The following ZNF579 variants were observed in gnomAD, a reference collection of about 807,000 sequenced individuals.
ZNF579 encodes zinc finger protein 579.
ZNF579 carries 3 observed loss-of-function variants against 5.7 expected under a neutral mutation model. That is an observed-to-expected ratio of 0.53 (90% CI 0.24 to 1.36). The LOEUF (loss-of-function observed/expected upper bound fraction) is 1.36, where lower values mean the gene tolerates loss of function less well. ZNF579 is among the 40% of genes most tolerant of loss of function. The pLI is 0.16. For synonymous variants in ZNF579, 454 were observed against 409.0 expected, an observed-to-expected ratio of 1.11 and a Z score of -1.33; for missense variants, 679 against 877.6, an observed-to-expected ratio of 0.77 and a Z score of 2.86.
chr19:55,579,563 C>T lies in ZNF579; in HGVS notation c.77G>A (p.Arg26His), dbSNP rs1032467986. The change falls in exon 2 of 2, where the codon CGT becomes CAT. Residue 26 changes from arginine (R) to histidine (H), a missense_variant. Transcript: ENST00000325421. ...CCTGCCACGGCCACGGCCCCGACCACGGCCTCGGCCACGGCCCCGGCCTCG... is the reference window on the plus strand; with the variant it reads ...CCTGCCACGGCCACGGCCCCGACCATGGCCTCGGCCACGGCCCCGGCCTCG... ...RGRGRGRGRG[R>H]GRGRGRGRGG... 51 of 1,490,500 alleles carry T rather than the reference C, an allele frequency of 3.4e-5. No individual in the cohort carries two copies. Among genetic ancestry groups the T allele is most frequent in the Admixed American group, 4.6e-5 (2 of 43,674 alleles). The allele number at this position is 1,490,500 out of a possible 1,614,324, so 92.3% of individuals were successfully genotyped here.
Position 55,579,427 on chromosome 19 carries a change from G to A in ZNF579, c.213C>T (p.Pro71=), listed in dbSNP as rs1176369429. Residue 71 remains proline, a synonymous_variant, in exon 2 of 2, where the codon CCC becomes CCT. Coordinates refer to ENST00000325421, the MANE Select transcript of ZNF579 (RefSeq NM_152600.3). Reference sequence around the variant, plus strand: ...CCTTGGGGCACAGCGGGCAGGCGTGGGGCCGGAGCCCCGAGTGGCTCAGCC... The same window carrying A: ...CCTTGGGGCACAGCGGGCAGGCGTGAGGCCGGAGCCCCGAGTGGCTCAGCC... The part of the protein sequence containing the change: ...RHRLSHSGLR[P]HACPLCPKAF... 5 of 1,336,058 alleles carry A rather than the reference G, an allele frequency of 3.7e-6. No homozygotes were observed. In the African/African-American group the frequency reaches 6.2e-5, roughly 17 times the overall value. 82.8% of individuals were successfully genotyped at this position (1,336,058 alleles called of 1,614,324 possible).
Position 55,578,112 on chromosome 19 carries a change from C to T in ZNF579, c.1528G>A (p.Glu510Lys), listed in dbSNP as rs1429432039. The change falls in exon 2 of 2, where the codon GAG becomes AAG. Residue 510 changes from glutamate to lysine, a missense_variant. By Grantham distance (56) the Glu-to-Lys change is moderately conservative. This residue lies in a region of ZNF579 where 116 missense variants were observed against 121.9 expected (regional missense o/e 0.95). Transcript: ENST00000325421. ...LPLPLANIKE[E>K]PPSPGTPPQS... is the part of the protein sequence containing the mutation. Reference sequence around the variant, plus strand: ...GGTGGGGTCCCCGGAGAGGGCGGCTCTTCCTTAATGTTTGCGAGGGGCAGC... The same window carrying T: ...GGTGGGGTCCCCGGAGAGGGCGGCTTTTCCTTAATGTTTGCGAGGGGCAGC... 1.0e-5 allele frequency: 16 copies of T among 1,560,406 alleles called. No individual in the cohort carries two copies. In the South Asian group the frequency reaches 1.1e-4, roughly 10 times the overall value.
chr19:55,578,794 G>A lies in ZNF579; in HGVS notation c.846C>T (p.Pro282=). 6.2e-7 allele frequency: 1 copy of A among 1,602,636 alleles called. No individual in the cohort carries two copies. The highest frequency in any genetic ancestry group is 8.5e-7 in the Non-Finnish European group (1 of 1,174,730). The change falls in exon 2 of 2, where the codon CCC becomes CCT. Residue 282 remains proline, a synonymous_variant. Transcript: ENST00000325421. ...CCAGCCGGTGGCGCGACAGGGACCA[G>A]GGCCTGGCGAAGGCCTTGAGGCAGA... The part of the protein sequence containing the change: ...CSICLKAFAR[P]WSLSRHRLVH...
In ZNF579 at chr19:55,576,796, TA is replaced by T; in HGVS notation, c.*1154del. 6.6e-6 allele frequency: 1 copy of T among 152,276 alleles called. No homozygotes were observed. Among genetic ancestry groups the T allele is most frequent in the Non-Finnish European group, 1.5e-5 (1 of 68,026 alleles). 9.4% of individuals were successfully genotyped at this position (152,276 alleles called of 1,614,324 possible). ...GACTGAGGAACCGAACTTTTACATTTATTTCATCTTAATGTCTTTACATTTC... is the reference window on the plus strand; with the variant it reads ...GACTGAGGAACCGAACTTTTACATTTTTTCATCTTAATGTCTTTACATTTC... On this transcript the variant is annotated 3_prime_UTR_variant, in exon 2 of 2. Transcript: ENST00000325421.
At position 55,578,373 on chromosome 19, in the gene ZNF579, G is replaced by A; in HGVS notation, c.1267C>T (p.Arg423Cys). 1.4e-6 allele frequency: 2 copies of A among 1,462,718 alleles called. No homozygotes were observed. The highest frequency in any genetic ancestry group is 1.8e-6 in the Non-Finnish European group (2 of 1,115,416). 90.6% of individuals were successfully genotyped at this position (1,462,718 alleles called of 1,614,324 possible). The part of the protein sequence containing the change: ...QCVRCQREFK[R>C]LADLARHAQV... ...GCGTGGCGCGCCAGGTCGGCCAGGCGCTTGAACTCCCGCTGGCAGCGCACG... is the reference window on the plus strand; with the variant it reads ...GCGTGGCGCGCCAGGTCGGCCAGGCACTTGAACTCCCGCTGGCAGCGCACG... Residue 423 changes from arginine (R) to cysteine (C), a missense_variant, in exon 2 of 2, where the codon CGC becomes TGC. Around this residue, in one of 6 missense-constraint regions of ZNF579, gnomAD observed 68 missense variants for 154.2 expected, o/e 0.44. Coordinates refer to ENST00000325421, the MANE Select transcript of ZNF579 (RefSeq NM_152600.3).
Position 55,578,760 on chromosome 19 carries a change from T to C in ZNF579, c.880A>G (p.Thr294Ala). The stretch of plus-strand genomic sequence containing the variant: ...TCTGGGCACACGAAAGGGCGGTCGG[T>C]GGAGTGGACCAGCCGGTGGCGCGAC... ...SLSRHRLVHS[T>A]DRPFVCPDCG... Residue 294 changes from threonine (T) to alanine (A), a missense_variant, in exon 2 of 2, where the codon ACC becomes GCC. This residue lies in a region of ZNF579 where 38 missense variants were observed against 70.3 expected (regional missense o/e 0.54). Coordinates refer to ENST00000325421, the MANE Select transcript of ZNF579 (RefSeq NM_152600.3). The C allele has an allele frequency of 2.5e-6, 4 of 1,601,436 alleles. No individual in the cohort carries two copies. The highest frequency in any genetic ancestry group is 3.4e-6 in the Non-Finnish European group (4 of 1,175,328).
In ZNF579 at chr19:55,579,271, G is replaced by C; in HGVS notation, c.369C>G (p.His123Gln). Residue 123 changes from histidine to glutamine, a missense_variant, in exon 2 of 2, where the codon CAC (histidine) becomes CAG (glutamine). Around this residue, in one of 6 missense-constraint regions of ZNF579, gnomAD observed 134 missense variants for 208.9 expected, o/e 0.64. Transcript: ENST00000325421. The stretch of plus-strand genomic sequence containing the variant: ...TGGCCAGCTCGACCTCGCCGCCCGC[G>C]TGCTCCTGAGCCAGGTGGCGCCTGA... The part of the protein sequence containing the change: ...AQLRRHLAQE[H>Q]AGGEVELAIE... 1.3e-6 allele frequency: 2 copies of C among 1,516,370 alleles called. No homozygotes were observed. The highest frequency in any genetic ancestry group is 1.8e-6 in the Non-Finnish European group (2 of 1,137,184). 93.9% of individuals were successfully genotyped at this position (1,516,370 alleles called of 1,614,324 possible). A position where few individuals can be genotyped will look rare whatever the true frequency, so the allele number is the denominator to read the frequency against.
In ZNF579 at chr19:55,577,775, G is replaced by T; in HGVS notation, c.*176C>A. 1 of 1,217,518 alleles carries T rather than the reference G, an allele frequency of 8.2e-7. No individual in the cohort carries two copies. Among genetic ancestry groups the T allele is most frequent in the Non-Finnish European group, 1.1e-6 (1 of 900,002 alleles). 75.4% of individuals were successfully genotyped at this position (1,217,518 alleles called of 1,614,324 possible). A position where few individuals can be genotyped will look rare whatever the true frequency, so the allele number is the denominator to read the frequency against. ...TGAGCGGTTCCTAACCAGCATCAGGGGTTCTGGGGGCGGGCGATGGGGGAG... is the reference window on the plus strand; with the variant it reads ...TGAGCGGTTCCTAACCAGCATCAGGTGTTCTGGGGGCGGGCGATGGGGGAG... On this transcript the variant is annotated 3_prime_UTR_variant, in exon 2 of 2. Transcript: ENST00000325421.
At position 55,579,268 on chromosome 19, in the gene ZNF579, C is replaced by T. The variant is rs752566833; in HGVS notation, c.372G>A (p.Ala124=). The change falls in exon 2 of 2, where the codon GCG becomes GCA. Residue 124 remains alanine (A), a synonymous_variant. Coordinates refer to ENST00000325421, the MANE Select transcript of ZNF579 (RefSeq NM_152600.3). The stretch of plus-strand genomic sequence containing the variant: ...CGATGGCCAGCTCGACCTCGCCGCC[C>T]GCGTGCTCCTGAGCCAGGTGGCGCC... ...QLRRHLAQEH[A]GGEVELAIER... is the part of the protein sequence containing the mutation. 7 of 1,516,738 alleles carry T rather than the reference C, an allele frequency of 4.6e-6. No homozygotes were observed. The highest frequency in any genetic ancestry group is 5.3e-6 in the Non-Finnish European group (6 of 1,137,458). 94.0% of individuals were successfully genotyped at this position (1,516,738 alleles called of 1,614,324 possible).
Position 55,578,752 on chromosome 19 carries a change from G to GCGGT in ZNF579, c.884_887dup (p.Phe298ProfsTer212). The GCGGT allele has an allele frequency of 6.2e-7, 1 of 1,601,668 alleles. No individual in the cohort carries two copies. Among genetic ancestry groups the GCGGT allele is most frequent in the Non-Finnish European group, 8.5e-7 (1 of 1,175,556 alleles). ...GGCCGCAGTCTGGGCACACGAAAGG[G>GCGGT]CGGTCGGTGGAGTGGACCAGCCGGT... On this transcript the variant is annotated frameshift_variant, in exon 2 of 2. Transcript: ENST00000325421. LOFTEE classifies it low-confidence loss of function (END_TRUNC).
rs1979429342 is a variant in ZNF579 at position 55,577,819 on chromosome 19, C to T, written c.*132G>A. The T allele has an allele frequency of 2.1e-6, 3 of 1,463,028 alleles. No homozygotes were observed. Among genetic ancestry groups the T allele is most frequent in the African/African-American group, 1.4e-5 (1 of 71,056 alleles). 90.6% of individuals were successfully genotyped at this position (1,463,028 alleles called of 1,614,324 possible). A position where few individuals can be genotyped will look rare whatever the true frequency, so the allele number is the denominator to read the frequency against. On this transcript the variant is annotated 3_prime_UTR_variant, in exon 2 of 2. Coordinates refer to ENST00000325421, the MANE Select transcript of ZNF579 (RefSeq NM_152600.3). ...GGGGGAGGAAGGGGCAGTCCAGGGC[C>T]CCCCACTCCTTAGTGTCAAGGGCGT...
Position 55,579,514 on chromosome 19 carries a change from C to G in ZNF579, c.126G>C (p.Ala42=). ...RGRGGAGAPR[A]PLPCPTCGRL... ...GGCCGCAGGTGGGGCAGGGCAGGGGCGCCCTAGGGGCTCCAGCGCCCCCCC... is the reference window on the plus strand; with the variant it reads ...GGCCGCAGGTGGGGCAGGGCAGGGGGGCCCTAGGGGCTCCAGCGCCCCCCC... The change falls in exon 2 of 2, where the codon GCG becomes GCC. Residue 42 remains alanine (A), a synonymous_variant. Transcript: ENST00000325421. 1 of 1,401,214 alleles carries G rather than the reference C, an allele frequency of 7.1e-7. No homozygotes were observed. Among genetic ancestry groups the G allele is most frequent in the Non-Finnish European group, 9.2e-7 (1 of 1,083,924 alleles). The allele number at this position is 1,401,214 out of a possible 1,614,324, so 86.8% of individuals were successfully genotyped here.
chr19:55,579,449 A>T lies in ZNF579; in HGVS notation c.191T>A (p.Leu64Gln). ...GTGGGGCCGGAGCCCCGAGTGGCTC[A>T]GCCGGTGCCGGGAGAGGTAGTAGGG... ...RFPYYLSRHR[L>Q]SHSGLRPHAC... Residue 64 changes from leucine to glutamine, a missense_variant, in exon 2 of 2, where the codon CTG (leucine) becomes CAG (glutamine). Leu to Gln is a moderately radical substitution (Grantham distance 113). This residue lies in a region of ZNF579 where 134 missense variants were observed against 208.9 expected (regional missense o/e 0.64). Coordinates refer to ENST00000325421, the MANE Select transcript of ZNF579 (RefSeq NM_152600.3). 1 of 1,339,150 alleles carries T rather than the reference A, an allele frequency of 7.5e-7. No homozygotes were observed. 83.0% of individuals were successfully genotyped at this position (1,339,150 alleles called of 1,614,324 possible).
chr19:55,579,317 G>A lies in ZNF579; in HGVS notation c.323C>T (p.Thr108Ile). The change falls in exon 2 of 2, where the codon ACC (threonine) becomes ATC (isoleucine). Residue 108 changes from threonine (T) to isoleucine (I), a missense_variant. Physicochemically the swap from Thr to Ile is moderately conservative, Grantham distance 89. Around this residue, in one of 6 missense-constraint regions of ZNF579, gnomAD observed 134 missense variants for 208.9 expected, o/e 0.64. Transcript: ENST00000325421. ...PPLRCAACPR[T>I]FPEPAQLRRH... ...CCTGAGCTGGGCCGGTTCTGGGAAG[G>A]TGCGGGGGCAGGCGGCGCAGCGCAG... is the stretch of plus-strand genomic sequence containing the variant. The A allele has an allele frequency of 6.8e-7, 1 of 1,469,158 alleles. No homozygotes were observed. Among genetic ancestry groups the A allele is most frequent in the Non-Finnish European group, 9.0e-7 (1 of 1,114,268 alleles). 91.0% of individuals were successfully genotyped at this position (1,469,158 alleles called of 1,614,324 possible).
Position 55,578,722 on chromosome 19 carries a change from G to T in ZNF579, c.918C>A (p.Ala306=). 1 of 1,592,530 alleles carries T rather than the reference G, an allele frequency of 6.3e-7. No homozygotes were observed. Residue 306 remains alanine (A), a synonymous_variant, in exon 2 of 2, where the codon GCC becomes GCA. Coordinates refer to ENST00000325421, the MANE Select transcript of ZNF579 (RefSeq NM_152600.3). ...RPFVCPDCGL[A]FRLASYLRQH... The stretch of plus-strand genomic sequence containing the variant: ...GGCGGAGGTAGGAGGCGAGGCGGAA[G>T]GCCAGGCCGCAGTCTGGGCACACGA...
In ZNF579 at chr19:55,578,004, C is replaced by T. The variant is rs1417338757; in HGVS notation, c.1636G>A (p.Glu546Lys). ...QDHSAFEMEE[E>K]EVDSKAHLRG... is the part of the protein sequence containing the mutation. ...AGGTGAGCCTTGCTGTCTACCTCTT[C>T]CTCCTCCATCTCGAAGGCTGAGTGG... Residue 546 changes from glutamate (E) to lysine (K), a missense_variant, in exon 2 of 2, where the codon GAA becomes AAA. This residue lies in a region of ZNF579 where 116 missense variants were observed against 121.9 expected (regional missense o/e 0.95). Coordinates refer to ENST00000325421, the MANE Select transcript of ZNF579 (RefSeq NM_152600.3). 4 of 1,600,616 alleles carry T rather than the reference C, an allele frequency of 2.5e-6. No individual in the cohort carries two copies. The highest frequency in any genetic ancestry group is 1.7e-5 in the Admixed American group (1 of 58,208).
rs754124468 is a variant in ZNF579, at chr19:55,578,509, G to A, written c.1131C>T (p.Pro377=). ...ACCAGAAGCGGGGCTCCCCGGCGGG[G>A]GGCCGAGCCGGGGCGGCGTCGCCTC... The part of the protein sequence containing the change: ...QNGGDAAPAR[P]PAGEPRFWCP... Residue 377 remains proline, a synonymous_variant, in exon 2 of 2, where the codon CCC becomes CCT. Coordinates refer to ENST00000325421, the MANE Select transcript of ZNF579 (RefSeq NM_152600.3). 132 of 1,413,032 alleles carry A rather than the reference G, an allele frequency of 9.3e-5. No individual in the cohort carries two copies. The highest frequency in any genetic ancestry group is 9.2e-5 in the Non-Finnish European group (101 of 1,094,878). The allele number at this position is 1,413,032 out of a possible 1,614,324, so 87.5% of individuals were successfully genotyped here. A position where few individuals can be genotyped will look rare whatever the true frequency, so the allele number is the denominator to read the frequency against.
Position 55,579,495 on chromosome 19 carries a change from A to C in ZNF579, c.145T>G (p.Cys49Gly). The C allele has an allele frequency of 7.4e-7, 1 of 1,358,746 alleles. No homozygotes were observed. Among genetic ancestry groups the C allele is most frequent in the East Asian group, 3.2e-5 (1 of 31,162 alleles). 84.2% of individuals were successfully genotyped at this position (1,358,746 alleles called of 1,614,324 possible). A position where few individuals can be genotyped will look rare whatever the true frequency, so the allele number is the denominator to read the frequency against. ...TAGGGGAAACGGAAGAGGCGGCCGC[A>C]GGTGGGGCAGGGCAGGGGCGCCCTA... Reference protein sequence around the residue: ...APRAPLPCPTCGRLFRFPYYL... With the variant: ...APRAPLPCPTGGRLFRFPYYL... The change falls in exon 2 of 2, where the codon TGC (cysteine) becomes GGC (glycine). Residue 49 changes from cysteine to glycine, a missense_variant. By Grantham distance (159) the Cys-to-Gly change is radical. Coordinates refer to ENST00000325421, the MANE Select transcript of ZNF579 (RefSeq NM_152600.3).
In ZNF579 at chr19:55,579,008, G is replaced by T. The variant is rs759905824; in HGVS notation, c.632C>A (p.Ala211Glu). ...CTCCTCCTGCCGCCCGGCCGCCAGCGCCAGCTCGGCCCTCAGCTCTGCTGC... is the reference window on the plus strand; with the variant it reads ...CTCCTCCTGCCGCCCGGCCGCCAGCTCCAGCTCGGCCCTCAGCTCTGCTGC... ...AGAAELRAEL[A>E]LAAGRQEEKQ... Residue 211 changes from alanine (A) to glutamate (E), a missense_variant, in exon 2 of 2, where the codon GCG becomes GAG. Physicochemically the swap from Ala to Glu is moderately radical, Grantham distance 107. Around this residue, in one of 6 missense-constraint regions of ZNF579, gnomAD observed 209 missense variants for 223.4 expected, o/e 0.94. Coordinates refer to ENST00000325421, the MANE Select transcript of ZNF579 (RefSeq NM_152600.3). The T allele has an allele frequency of 1.8e-5, 28 of 1,530,978 alleles. No homozygotes were observed. In the South Asian group the frequency reaches 3.2e-4, roughly 18 times the overall value. The allele number at this position is 1,530,978 out of a possible 1,614,324, so 94.8% of individuals were successfully genotyped here.
Sources: gnomAD v4.1 joint callset for allele counts on GRCh38, gnomAD v4.1.1 for gene constraint, gnomAD v4.1.1 regional missense constraint, MANE v1.5 for transcripts, NCBI Gene and HGNC (gene_info 2026-07-23, HGNC 2026-07-21) for gene names.